CSMD3: variants seen among roughly 807,000 people sequenced by gnomAD.
The protein encoded by CSMD3 is CUB and Sushi multiple domains 3, also known as CUB and sushi domain-containing protein 3.
CSMD3 carries 177 observed loss-of-function variants against 435.2 expected under a neutral mutation model. That is an observed-to-expected ratio of 0.41 (90% CI 0.36 to 0.46). CSMD3 has a LOEUF of 0.46. Among genes scored for constraint, CSMD3 ranks in the 20% least tolerant of loss-of-function variants. The pLI is 0.34. For synonymous variants in CSMD3, 1,656 were observed against 1,520.5 expected (o/e 1.09, Z -2.07); for missense variants, 4,265 against 4,504.6 (o/e 0.95, Z 1.52).
rs1301190008 is a variant in CSMD3, at chr8:113,156,770, A to AC, written c.709+16951_709+16952insG. Among the ~76,000 whole-genome samples the AC allele has an allele frequency of 2.5e-4, 37 of 149,428 alleles. 1 individual carries two copies. The highest frequency in any genetic ancestry group is 6.9e-3 in the Middle Eastern group (2 of 288). On this transcript the variant is annotated intron_variant, in intron 4 of 70. Coordinates refer to ENST00000297405, the MANE Select transcript of CSMD3 (RefSeq NM_198123.2). ...TAAATAAATAAATAAATAAATAAAT[A>AC]AATAAATAAAGTTAGCCAGGCCTGG...
chr8:112,472,736 T>A, intron 31 of CSMD3, 29 bp from the exon 32 acceptor site: 2 of 1,289,566 alleles, frequency 1.6e-6, no homozygotes, highest in Non-Finnish European at 2.3e-6. Context: ...AATATCATTT[T>A]TAGAAAAAAG....
At chr8:112,248,328 G>C (rs1050821336) in intron 63 of CSMD3, among the ~76,000 whole-genome samples, 1 of 152,122 alleles carries the variant, frequency 6.6e-6, no homozygotes, top group African/African-American at 2.4e-5. Flanking sequence ...TCAAATGGCA[G>C]GATATGGTAT....
At chr8:113,112,207 G>A (rs914085783) in intron 4 of CSMD3, among the ~76,000 whole-genome samples, 1 of 151,162 alleles carries the variant, frequency 6.6e-6, no homozygotes, top group African/African-American at 2.4e-5. Flanking sequence ...TTTTATTGCT[G>A]AGTAATATTC....
In CSMD3 at chr8:113,195,637, C is replaced by T. The variant is rs1325334166; in HGVS notation, c.515-21721G>A. The stretch of plus-strand genomic sequence containing the variant: ...GGAGGATTCTCTAATGTACAACAGA[C>T]TGCATTTCCCACCATCATGATGAGA... On this transcript the variant is annotated intron_variant, in intron 3 of 70. Transcript: ENST00000297405. 2.7e-5 allele frequency among the ~76,000 whole-genome samples: 4 copies of T among 150,402 alleles called. No individual in the cohort carries two copies. The South Asian group carries it at 8.3e-4, about 31-fold the overall frequency.
At chr8:112,948,060 CTAA>C (rs1174902299) in intron 8 of CSMD3, among the ~76,000 whole-genome samples, 183 bp from the exon 9 acceptor site, 1 of 151,842 alleles carries the variant, frequency 6.6e-6, no homozygotes, top group Admixed American at 6.6e-5. Context: ...ATTTTATGAA[CTAA>C]TGAGAAAATA....
intron 1 of CSMD3, among the ~76,000 whole-genome samples, chr8:113,322,435 A>G (rs934915049): frequency 3.3e-5 from 5 of 152,114 alleles, no homozygotes; most frequent in African/African-American, 1.2e-4. Flanking sequence ...TTTTTGACCC[A>G]TACTTCAGTT....
intron 24 of CSMD3, among the ~76,000 whole-genome samples, chr8:112,559,792 T>A (rs1477037595): frequency 1.3e-5 from 2 of 151,808 alleles, no homozygotes; most frequent in African/African-American, 4.8e-5. Flanking sequence ...TTTTGCAAAA[T>A]ATAAAAATGT....
chr8:112,321,272 A>C (rs749456207), intron 45 of CSMD3, among the ~76,000 whole-genome samples: 1 of 152,226 alleles, frequency 6.6e-6, no homozygotes, highest in Non-Finnish European at 1.5e-5. Context: ...ACAAGAGCAC[A>C]CAATTAGTAC....
At chr8:112,725,455 A>G (rs1344540566) in intron 13 of CSMD3, among the ~76,000 whole-genome samples, 3 of 151,854 alleles carry the variant, frequency 2.0e-5, no homozygotes, top group African/African-American at 7.2e-5. Flanking sequence ...ATCCATATTA[A>G]AGGGAAATGT....
chr8:112,870,511 T>C (rs886427487), intron 10 of CSMD3, among the ~76,000 whole-genome samples: 4 of 151,714 alleles, frequency 2.6e-5, no homozygotes, highest in African/African-American at 7.3e-5. Context: ...CTTCTGACCT[T>C]GTGATCCACC....
intron 3 of CSMD3, among the ~76,000 whole-genome samples, chr8:113,219,473 A>T (rs2092943020): frequency 6.6e-6 from 1 of 151,514 alleles, no homozygotes. Context: ...ATACCAAAGT[A>T]ACAAAAAAAT....
chr8:112,318,709 T>A (rs907259550), intron 47 of CSMD3, 128 bp downstream of exon 47: 3 of 668,842 alleles, frequency 4.5e-6, no homozygotes, highest in Non-Finnish European at 7.9e-6. Flanking sequence ...ATATGAGTTA[T>A]AAAATGTATA....
chr8:112,930,821 T>C (rs931401139), intron 9 of CSMD3, among the ~76,000 whole-genome samples: 1 of 152,116 alleles, frequency 6.6e-6, no homozygotes, highest in South Asian at 2.1e-4. Flanking sequence ...CAATCTTTTA[T>C]ACACTGGAAG....
At chr8:112,972,242 T>C (rs1382350136) in intron 7 of CSMD3, among the ~76,000 whole-genome samples, 1 of 151,766 alleles carries the variant, frequency 6.6e-6, no homozygotes, top group Non-Finnish European at 1.5e-5. Context: ...GGAATGTGAA[T>C]AAAAAAATTA....
chr8:112,664,960 T>C (rs975733509), intron 17 of CSMD3, among the ~76,000 whole-genome samples: 4 of 152,184 alleles, frequency 2.6e-5, no homozygotes, highest in African/African-American at 7.2e-5. Flanking sequence ...ATAGCCCTAG[T>C]AAACCATGTA....
chr8:113,402,071 T>A (rs2094512616), intron 1 of CSMD3, among the ~76,000 whole-genome samples: 1 of 151,544 alleles, frequency 6.6e-6, no homozygotes, highest in Non-Finnish European at 1.5e-5. Context: ...ACTAAACACA[T>A]CACAGACCAT....
intron 32 of CSMD3, among the ~76,000 whole-genome samples, chr8:112,433,965 C>T (rs1229458831): frequency 2.6e-5 from 4 of 151,836 alleles, no homozygotes; most frequent in African/African-American, 9.7e-5. Context: ...GGTATAATAG[C>T]TATTTTGTTT....
At chr8:113,371,836 G>C (rs1224279240) in intron 1 of CSMD3, among the ~76,000 whole-genome samples, 1 of 152,146 alleles carries the variant, frequency 6.6e-6, no homozygotes, top group Admixed American at 6.5e-5. Context: ...ATGGTTGAGT[G>C]AATAGTGGTT....
intron 5 of CSMD3, among the ~76,000 whole-genome samples, chr8:113,053,440 CAT>C (rs2088183677): frequency 6.6e-6 from 1 of 151,968 alleles, no homozygotes; most frequent in East Asian, 1.9e-4. Flanking sequence ...TTTTTATAAA[CAT>C]ATATAAATAA....
Sources: gnomAD v4.1 joint callset for allele counts (sites outside exome capture counted in the v4.1 genomes callset) on GRCh38, gnomAD v4.1.1 for gene constraint, MANE v1.5 for transcripts, NCBI Gene and HGNC (gene_info 2026-07-23, HGNC 2026-07-21) for gene names.